The following LRRK1 variants were observed in gnomAD, a reference collection of about 807,000 sequenced individuals.
The protein encoded by LRRK1 is leucine-rich repeat serine/threonine-protein kinase 1.
In LRRK1, 113 loss-of-function variants were observed where a neutral mutation model predicts 209.1. That is an observed-to-expected ratio of 0.54 (90% CI 0.46 to 0.63). The LOEUF (loss-of-function observed/expected upper bound fraction) is 0.63. Ranked by LOEUF, LRRK1 falls within the 30% of genes least tolerant of loss-of-function variation. The probability of loss-of-function intolerance (pLI) is 0.00; values close to 1 mark genes in which losing one functional copy is unlikely to be tolerated. For missense variants in LRRK1, 2,284 were observed against 2,632.2 expected, an observed-to-expected ratio of 0.87 and a Z score of 2.89; for synonymous variants, 1,144 against 1,099.7, an observed-to-expected ratio of 1.04 and a Z score of -0.80.
At chr15:101,067,001 C>T (rs563412387) in intron 33 of LRRK1, among the ~76,000 whole-genome samples, 9 of 152,320 alleles carry the variant, frequency 5.9e-5, no homozygotes, top group East Asian at 3.9e-4. Flanking sequence ...CCCTACCTAA[C>T]GAATGTCTCC....
chr15:100,923,338 G>A (rs777868764), intron 1 of LRRK1, among the ~76,000 whole-genome samples: 2 of 152,146 alleles, frequency 1.3e-5, no homozygotes, highest in Non-Finnish European at 2.9e-5. Context: ...TAACGTCCAC[G>A]CTATGCTTTT....
At chr15:100,952,275 C>T (rs1193187813) in intron 2 of LRRK1, among the ~76,000 whole-genome samples, 1 of 152,140 alleles carries the variant, frequency 6.6e-6, no homozygotes, top group Non-Finnish European at 1.5e-5. Flanking sequence ...TATATTCAAA[C>T]CCACTGAATT....
intron 2 of LRRK1, among the ~76,000 whole-genome samples, chr15:100,949,860 T>C (rs2042610790): frequency 6.6e-6 from 1 of 152,066 alleles, no homozygotes; most frequent in Non-Finnish European, 1.5e-5. Context: ...GGAAACTTCC[T>C]CAATCTGATA....
chr15:100,957,664 A>G (rs1016153777), intron 2 of LRRK1, among the ~76,000 whole-genome samples: 2 of 152,114 alleles, frequency 1.3e-5, no homozygotes, highest in East Asian at 3.9e-4. Context: ...TCATTCCTTC[A>G]CTTTCCATCT....
rs551501175 is a variant in LRRK1 at position 101,072,965 on chromosome 15, G to GA, written c.*4119dup. ...AACTGGCGCGGGGGGAGGGGGGGGG[G>GA]AACCTCCCTTGGGAGATCAATCCCC... is the stretch of plus-strand genomic sequence containing the variant. On this transcript the variant is annotated 3_prime_UTR_variant, in exon 34 of 34. Transcript: ENST00000388948. 2.6e-5 allele frequency: 4 copies of GA among 155,584 alleles called. No individual in the cohort carries two copies. Among genetic ancestry groups the GA allele is most frequent in the African/African-American group, 4.9e-5 (2 of 40,468 alleles). The allele number at this position is 155,584 out of a possible 1,614,324, so 9.6% of individuals were successfully genotyped here. A position where few individuals can be genotyped will look rare whatever the true frequency, so the allele number is the denominator to read the frequency against.
intron 2 of LRRK1, among the ~76,000 whole-genome samples, chr15:100,961,887 C>T (rs1596203212): frequency 6.6e-6 from 1 of 152,058 alleles, no homozygotes; most frequent in African/African-American, 2.4e-5. Context: ...CTACAGCATC[C>T]GGCAGGACTC....
chr15:101,021,772 G>T (rs1449563610), intron 13 of LRRK1, 73 bp from the exon 14 acceptor site: 2 of 888,524 alleles, frequency 2.3e-6, no homozygotes, highest in Non-Finnish European at 3.3e-6. Context: ...AGCCACGTGT[G>T]TGCGTGTGTG....
chr15:100,925,989 G>C (rs1567182048), intron 2 of LRRK1, among the ~76,000 whole-genome samples: 1 of 152,222 alleles, frequency 6.6e-6, no homozygotes. Flanking sequence ...ATCGGCCACT[G>C]TACCTGGCTT....
At chr15:100,944,203 T>C (rs1352744578) in intron 2 of LRRK1, among the ~76,000 whole-genome samples, 8 of 152,166 alleles carry the variant, frequency 5.3e-5, no homozygotes, top group Non-Finnish European at 1.0e-4. Context: ...AGACCTATTG[T>C]TGTTCAGCCA....
chr15:101,036,051 T>C (rs1000100648), intron 20 of LRRK1, among the ~76,000 whole-genome samples: 1 of 152,220 alleles, frequency 6.6e-6, no homozygotes, highest in African/African-American at 2.4e-5. Flanking sequence ...AACTTGACTA[T>C]AATGTGCCAT....
chr15:101,055,112 A>C lies in LRRK1; in HGVS notation c.4221A>C (p.Leu1407=). 6.2e-7 allele frequency: 1 copy of C among 1,614,038 alleles called. No homozygotes were observed. The highest frequency in any genetic ancestry group is 8.5e-7 in the Non-Finnish European group (1 of 1,179,968). Residue 1407 remains leucine (L), a synonymous_variant, in exon 27 of 34, where the codon CTA becomes CTC. Coordinates refer to ENST00000388948, the MANE Select transcript of LRRK1 (RefSeq NM_024652.6). ...LDVKEHINIK[L]SDYGISRQSF... The stretch of plus-strand genomic sequence containing the variant: ...TCAAGGAGCACATCAACATCAAGCT[A>C]TCTGACTACGGGATTTCGAGGCAGT...
At chr15:100,970,709 C>T (rs2030808830) in intron 2 of LRRK1, among the ~76,000 whole-genome samples, 1 of 152,124 alleles carries the variant, frequency 6.6e-6, no homozygotes, top group South Asian at 2.1e-4. Flanking sequence ...CAATTTCTAT[C>T]CCGCAAAAAT....
intron 3 of LRRK1, among the ~76,000 whole-genome samples, chr15:100,975,602 AG>A (rs1184209792): frequency 6.6e-6 from 1 of 152,250 alleles, no homozygotes; most frequent in Non-Finnish European, 1.5e-5. Context: ...GAAGACAGTG[AG>A]GAAAAGGATG....
At chr15:100,994,081 G>A (rs968554343) in intron 6 of LRRK1, among the ~76,000 whole-genome samples, 2 of 152,210 alleles carry the variant, frequency 1.3e-5, no homozygotes, top group Non-Finnish European at 2.9e-5. Context: ...CATCTATGTA[G>A]TGCTTGTTAC....
Position 100,944,589 on chromosome 15 carries a change from A to AC in LRRK1, c.97+19861dup, listed in dbSNP as rs1231892164. Among the ~76,000 whole-genome samples the AC allele has an allele frequency of 2.0e-5, 3 of 151,642 alleles. No individual in the cohort carries two copies. In the East Asian group the frequency reaches 5.8e-4, roughly 29 times the overall value. On this transcript the variant is annotated intron_variant, in intron 2 of 33. Transcript: ENST00000388948. ...CCTACAATTCTACCAGCTACGGAGG[A>AC]CTCCTGATCTTGGCTTTTTTGCTTC...
At chr15:100,935,325 G>C (rs893083366) in intron 2 of LRRK1, among the ~76,000 whole-genome samples, 1 of 152,216 alleles carries the variant, frequency 6.6e-6, no homozygotes, top group African/African-American at 2.4e-5. Context: ...GAAGTGAATG[G>C]AATCAGGTCA....
chr15:101,018,456 G>A lies in LRRK1; in HGVS notation c.1610-2597G>A, dbSNP rs574757243. 5.9e-5 allele frequency among the ~76,000 whole-genome samples: 9 copies of A among 152,300 alleles called. No homozygotes were observed. The East Asian group carries it at 1.7e-3, about 29-fold the overall frequency. On this transcript the variant is annotated intron_variant, in intron 12 of 33. Coordinates refer to ENST00000388948, the MANE Select transcript of LRRK1 (RefSeq NM_024652.6). The stretch of plus-strand genomic sequence containing the variant: ...ATGCCAGGCGGGATGATGGGTATGA[G>A]AACAGGAGCTAGTGTAGACCTCGGT...
At position 101,028,983 on chromosome 15, in the gene LRRK1, C is replaced by A; in HGVS notation, c.2714C>A (p.Thr905Asn). The change falls in exon 20 of 34, where the codon ACC (threonine) becomes AAC (asparagine). Residue 905 changes from threonine (T) to asparagine (N), a missense_variant. Coordinates refer to ENST00000388948, the MANE Select transcript of LRRK1 (RefSeq NM_024652.6). ...ATCAGCTTCCTCATAGAAACCGGCA[C>A]CCTGCTCCATTTCCCGGACACCAGC... ...SAISFLIETG[T>N]LLHFPDTSHG... 6.2e-7 allele frequency: 1 copy of A among 1,614,194 alleles called. No homozygotes were observed. Among genetic ancestry groups the A allele is most frequent in the East Asian group, 2.2e-5 (1 of 44,882 alleles).
intron 10 of LRRK1, among the ~76,000 whole-genome samples, chr15:101,012,901 G>GGGA (rs2033337352): frequency 1.6e-5 from 2 of 124,396 alleles, no homozygotes; most frequent in South Asian, 4.5e-4. Context: ...GGGTGCCCCC[G>GGGA]GGGGGGGGTG....
Sources: gnomAD v4.1 joint callset for allele counts (sites outside exome capture counted in the v4.1 genomes callset) on GRCh38, gnomAD v4.1.1 for gene constraint, MANE v1.5 for transcripts, NCBI Gene and HGNC (gene_info 2026-07-23, HGNC 2026-07-21) for gene names.